Variants in SLC25A47 observed in about 807,000 individuals in gnomAD.
SLC25A47 encodes the protein HCC-down-regulated mitochondrial carrier protein.
A neutral mutation model predicts 29.8 loss-of-function variants in SLC25A47; 30 were observed. That is an observed-to-expected ratio of 1.01 (90% CI 0.75 to 1.36). SLC25A47 has a LOEUF of 1.36. Among genes scored for constraint, SLC25A47 ranks in the 40% most tolerant of loss-of-function variants. The pLI is 0.00. For synonymous variants in SLC25A47, 204 were observed against 197.8 expected, an observed-to-expected ratio of 1.03 and a Z score of -0.26; for missense variants, 430 against 441.9, an observed-to-expected ratio of 0.97 and a Z score of 0.24.
chr14:100,326,122 G>A (rs2139845029), intron 2 of SLC25A47, 35 bp from the exon 3 acceptor site: 1 of 1,582,176 alleles, frequency 6.3e-7, no homozygotes, highest in East Asian at 2.2e-5. Context: ...CCTAGGCCTG[G>A]AGCCGCTCGT....
intron 4 of SLC25A47, 74 bp from the exon 5 acceptor site, chr14:100,328,652 G>C: frequency 2.4e-5 from 36 of 1,472,670 alleles, no homozygotes; most frequent in Non-Finnish European, 3.4e-5. Flanking sequence ...AGCAACATGA[G>C]GCTGGTGGGA....
At chr14:100,328,674 G>C in intron 4 of SLC25A47, 52 bp from the exon 5 acceptor site, 1 of 1,575,422 alleles carries the variant, frequency 6.3e-7, no homozygotes. Context: ...GCCAGGTCCA[G>C]GCTGTGGGCA....
chr14:100,325,342 C>T (rs1012627890), intron 1 of SLC25A47, among the ~76,000 whole-genome samples: 15 of 152,236 alleles, frequency 9.9e-5, no homozygotes, highest in Admixed American at 3.3e-4. Flanking sequence ...CTTCCACCCA[C>T]GCAGCCAAAA....
rs995351502 is a variant in SLC25A47 at position 100,327,218 on chromosome 14, C to A, written c.175C>A (p.Pro59Thr). The A allele has an allele frequency of 1.9e-6, 3 of 1,609,214 alleles. No individual in the cohort carries two copies. The highest frequency in any genetic ancestry group is 2.5e-6 in the Non-Finnish European group (3 of 1,179,368). Reference protein sequence around the residue: ...VWGFYRGLSLPVCTVSLVSSV... With the variant: ...VWGFYRGLSLTVCTVSLVSSV... ...GGGCTTCTACCGGGGCCTCTCGCTG[C>A]CCGTGTGCACGGTGTCCCTGGTATC... Residue 59 changes from proline (P) to threonine (T), a missense_variant, in exon 4 of 6, where the codon CCC becomes ACC. Coordinates refer to ENST00000361529, the MANE Select transcript of SLC25A47 (RefSeq NM_207117.4).
chr14:100,329,069 G>T, intron 5 of SLC25A47, 25 bp downstream of exon 5: 1 of 1,593,578 alleles, frequency 6.3e-7, no homozygotes, highest in South Asian at 1.1e-5. Context: ...GAACCTGGCA[G>T]GGCGGGGAGC....
chr14:100,328,814 C>G lies in SLC25A47; in HGVS notation c.416C>G (p.Ser139Trp), dbSNP rs201454370. Residue 139 changes from serine (S) to tryptophan (W), a missense_variant, in exon 5 of 6, where the codon TCG becomes TGG. Physicochemically the swap from Ser to Trp is radical, Grantham distance 177 (BLOSUM62 -3). Coordinates refer to ENST00000361529, the MANE Select transcript of SLC25A47 (RefSeq NM_207117.4). ...AAGCAGCAGCGGCGGCTTTCGGCCT[C>G]GGGGCCGTTGGCTGTGCCCCCCATG... Reference protein sequence around the residue: ...AQKQQRRLSASGPLAVPPMCP... With the variant: ...AQKQQRRLSAWGPLAVPPMCP... 1.2e-6 allele frequency: 2 copies of G among 1,612,814 alleles called. No individual in the cohort carries two copies. Among genetic ancestry groups the G allele is most frequent in the East Asian group, 2.2e-5 (1 of 44,878 alleles).
In SLC25A47 at chr14:100,329,773, C is replaced by T; in HGVS notation, c.*128C>T. 1 of 1,286,700 alleles carries T rather than the reference C, an allele frequency of 7.8e-7. No homozygotes were observed. The highest frequency in any genetic ancestry group is 1.1e-6 in the Non-Finnish European group (1 of 940,892). The allele number at this position is 1,286,700 out of a possible 1,614,324, so 79.7% of individuals were successfully genotyped here. The stretch of plus-strand genomic sequence containing the variant: ...CATTGCCCAGGAGAATGAGGAGCCT[C>T]CCTGCAGTGTTGTCGGCCGAGGCCT... On this transcript the variant is annotated 3_prime_UTR_variant, in exon 6 of 6. Coordinates refer to ENST00000361529, the MANE Select transcript of SLC25A47 (RefSeq NM_207117.4).
Position 100,329,568 on chromosome 14 carries a change from C to T in SLC25A47, c.850C>T (p.Arg284Cys), listed in dbSNP as rs142540206. Residue 284 changes from arginine (R) to cysteine (C), a missense_variant, in exon 6 of 6, where the codon CGC (arginine) becomes TGC (cysteine). Transcript: ENST00000361529. The part of the protein sequence containing the change: ...LFKGLVLNCC[R>C]AFPVNMVVFV... ...CAAGGGGCTGGTACTCAATTGCTGC[C>T]GCGCCTTCCCTGTCAACATGGTGGT... The T allele has an allele frequency of 7.6e-5, 123 of 1,613,532 alleles. No individual in the cohort carries two copies. Among genetic ancestry groups the T allele is most frequent in the East Asian group, 1.6e-4 (7 of 44,894 alleles).
chr14:100,327,279 C>G lies in SLC25A47; in HGVS notation c.236C>G (p.Ala79Gly), dbSNP rs200641417. Residue 79 changes from alanine to glycine, a missense_variant, in exon 4 of 6, where the codon GCG becomes GGG. Transcript: ENST00000361529. ...TTTGGCACCTACCGCCACTGCCTGG[C>G]GCACATCTGCCGGCTCCGGTACGGC... Reference protein sequence around the residue: ...VSFGTYRHCLAHICRLRYGNP... With the variant: ...VSFGTYRHCLGHICRLRYGNP... 2.5e-6 allele frequency: 4 copies of G among 1,606,742 alleles called. No homozygotes were observed. The African/African-American group carries it at 5.3e-5, about 21-fold the overall frequency.
intron 4 of SLC25A47, among the ~76,000 whole-genome samples, chr14:100,327,752 G>A (rs1893368064): frequency 6.6e-6 from 1 of 152,248 alleles, no homozygotes; most frequent in African/African-American, 2.4e-5. Context: ...CTGGATGTGG[G>A]CATTTCTCCA....
rs368479747 is a variant in SLC25A47 at position 100,327,293 on chromosome 14, C to G, written c.250C>G (p.Leu84Val). Reference protein sequence around the residue: ...YRHCLAHICRLRYGNPDAKPT... With the variant: ...YRHCLAHICRVRYGNPDAKPT... ...CCACTGCCTGGCGCACATCTGCCGG[C>G]TCCGGTACGGCAACCCTGACGCCAA... Residue 84 changes from leucine to valine, a missense_variant, in exon 4 of 6, where the codon CTC (leucine) becomes GTC (valine). By Grantham distance (32) the Leu-to-Val change is conservative. Transcript: ENST00000361529. 5 of 1,605,452 alleles carry G rather than the reference C, an allele frequency of 3.1e-6. No individual in the cohort carries two copies. The African/African-American group carries it at 6.7e-5, about 21-fold the overall frequency.
Position 100,326,185 on chromosome 14 carries a change from C to A in SLC25A47, c.101C>A (p.Thr34Lys), listed in dbSNP as rs768186706. 6.2e-7 allele frequency: 1 copy of A among 1,613,764 alleles called. No homozygotes were observed. Among genetic ancestry groups the A allele is most frequent in the African/African-American group, 1.3e-5 (1 of 74,948 alleles). The change falls in exon 3 of 6, where the codon ACA (threonine) becomes AAA (lysine). Residue 34 changes from threonine to lysine, a missense_variant. By Grantham distance (78) the Thr-to-Lys change is moderately conservative. Coordinates refer to ENST00000361529, the MANE Select transcript of SLC25A47 (RefSeq NM_207117.4). Reference protein sequence around the residue: ...KVRIQTEPKYTGIWHCVRDTY... With the variant: ...KVRIQTEPKYKGIWHCVRDTY... ...AGGATCCAGACGGAGCCAAAGTACACAGGCATCTGGCACTGCGTCCGGGAT... is the reference window on the plus strand; with the variant it reads ...AGGATCCAGACGGAGCCAAAGTACAAAGGCATCTGGCACTGCGTCCGGGAT...
intron 1 of SLC25A47, among the ~76,000 whole-genome samples, chr14:100,325,473 C>T (rs572779093): frequency 8.5e-5 from 13 of 152,338 alleles, no homozygotes; most frequent in African/African-American, 1.2e-4. Context: ...CAGAGCATGA[C>T]GCCCGTGGGG....
intron 3 of SLC25A47, 101 bp downstream of exon 3, chr14:100,326,329 C>A: frequency 9.8e-7 from 1 of 1,016,340 alleles, no homozygotes; most frequent in Non-Finnish European, 1.5e-6. Flanking sequence ...TGGGTCTCAG[C>A]TCTCTCACCT....
Position 100,328,762 on chromosome 14 carries a change from C to T in SLC25A47, c.364C>T (p.Arg122Cys), listed in dbSNP as rs759122736. The T allele has an allele frequency of 3.5e-5, 57 of 1,612,898 alleles. 1 individual carries two copies. The highest frequency in any genetic ancestry group is 2.7e-4 in the East Asian group (12 of 44,892). The change falls in exon 5 of 6, where the codon CGC (arginine) becomes TGC (cysteine). Residue 122 changes from arginine (R) to cysteine (C), a missense_variant. By Grantham distance (180) the Arg-to-Cys change is radical. Coordinates refer to ENST00000361529, the MANE Select transcript of SLC25A47 (RefSeq NM_207117.4). The part of the protein sequence containing the change: ...LTSPTEVAKV[R>C]LQTQTQAQKQ... ...GTCGCCCACTGAGGTGGCCAAAGTC[C>T]GCTTGCAGACGCAGACACAGGCGCA...
chr14:100,323,802 C>A (rs1281260921), intron 1 of SLC25A47, among the ~76,000 whole-genome samples: 1 of 151,854 alleles, frequency 6.6e-6, no homozygotes, highest in Non-Finnish European at 1.5e-5. Flanking sequence ...AGGAGAGGAT[C>A]GAGAGGGTGG....
chr14:100,329,365 ATG>A lies in SLC25A47; in HGVS notation c.649_650del (p.Val217ProfsTer80). The A allele has an allele frequency of 6.3e-7, 1 of 1,595,832 alleles. No homozygotes were observed. The highest frequency in any genetic ancestry group is 8.5e-7 in the Non-Finnish European group (1 of 1,171,400). On this transcript the variant is annotated frameshift_variant and splice_region_variant, in exon 6 of 6. Coordinates refer to ENST00000361529, the MANE Select transcript of SLC25A47 (RefSeq NM_207117.4). LOFTEE classifies it high-confidence loss of function. ...TCAAGGCACTGTGGTCTCTCTGCAG[ATG>A]TCCCGGGCGTGCTGGTGGCCGGGGG...
At position 100,327,359 on chromosome 14, in the gene SLC25A47, G is replaced by C; in HGVS notation, c.316G>C (p.Gly106Arg). The C allele has an allele frequency of 6.3e-7, 1 of 1,595,952 alleles. No individual in the cohort carries two copies. Among genetic ancestry groups the C allele is most frequent in the Non-Finnish European group, 8.5e-7 (1 of 1,177,346 alleles). Residue 106 changes from glycine (G) to arginine (R), a missense_variant, in exon 4 of 6, where the codon GGC becomes CGC. Physicochemically the swap from Gly to Arg is moderately radical, Grantham distance 125. Coordinates refer to ENST00000361529, the MANE Select transcript of SLC25A47 (RefSeq NM_207117.4). ...ADITLSGCAS[G>R]LVRVFLTSPT... is the part of the protein sequence containing the mutation. ...CATCACGCTCTCGGGATGCGCCTCC[G>C]GCCTCGTCCGCGTGAGTAGGGGCAG...
chr14:100,324,122 C>G (rs1228182819), intron 1 of SLC25A47, among the ~76,000 whole-genome samples: 1 of 152,108 alleles, frequency 6.6e-6, no homozygotes, highest in East Asian at 1.9e-4. Context: ...TGTGAAACAT[C>G]GGTGGGTGGC....
Sources: gnomAD v4.1 joint callset for allele counts (sites outside exome capture counted in the v4.1 genomes callset) on GRCh38, gnomAD v4.1.1 for gene constraint, MANE v1.5 for transcripts, NCBI Gene and HGNC (gene_info 2026-07-23, HGNC 2026-07-21) for gene names.